Variants in RUSC2 observed in about 807,000 individuals in gnomAD.
RUSC2 encodes the protein RUN and SH3 domain containing 2.
RUSC2 carries 34 observed loss-of-function variants against 122.2 expected under a neutral mutation model. The ratio of observed to expected loss-of-function variants is 0.28; its 90% confidence interval spans 0.21 to 0.37. The LOEUF (loss-of-function observed/expected upper bound fraction) is 0.37, where lower values mean the gene tolerates loss of function less well. Ranked by LOEUF, RUSC2 falls within the 10% of genes least tolerant of loss-of-function variation. The pLI, the probability that RUSC2 is intolerant of heterozygous loss-of-function variation, is 1.00. For synonymous variants in RUSC2, 784 were observed against 790.0 expected, an observed-to-expected ratio of 0.99 and a Z score of 0.13; for missense variants, 1,747 against 1,952.4, an observed-to-expected ratio of 0.89 and a Z score of 1.98.
In RUSC2 at chr9:35,561,316, G is replaced by T. The variant is rs1483795057; in HGVS notation, c.4485G>T (p.Leu1495=). The T allele has an allele frequency of 6.2e-7, 1 of 1,614,144 alleles. No individual in the cohort carries two copies. The highest frequency in any genetic ancestry group is 1.7e-5 in the Admixed American group (1 of 60,018). ...LRCSRGPDSG[L]VPLAYVTLTP... ...GCAGCCGTGGCCCCGACTCTGGCCT[G>T]GTGCCCCTGGCCTACGTGACATTGA... Residue 1495 remains leucine (L), a synonymous_variant, in exon 12 of 12, where the codon CTG becomes CTT. Coordinates refer to ENST00000361226, the MANE Select transcript of RUSC2 (RefSeq NM_014806.5).
At chr9:35,514,597 A>T (rs1038249901) in intron 1 of RUSC2, among the ~76,000 whole-genome samples, 1 of 152,164 alleles carries the variant, frequency 6.6e-6, no homozygotes, top group Admixed American at 6.6e-5. Flanking sequence ...AGCAGTAGGG[A>T]TGGAGAATGT....
In RUSC2 at chr9:35,547,657, T is replaced by A. The variant is rs922433418; in HGVS notation, c.1136T>A (p.Leu379His). ...GAGCCGTGCCCAGCAGTGGCTGACC[T>A]CACAGCCTGCTTCCAAAGCCAGGCC... ...HCEPCPAVAD[L>H]TACFQSQARL... Residue 379 changes from leucine (L) to histidine (H), a missense_variant, in exon 2 of 12, where the codon CTC becomes CAC. Leu to His is a moderately conservative substitution (Grantham distance 99, BLOSUM62 -3). Coordinates refer to ENST00000361226, the MANE Select transcript of RUSC2 (RefSeq NM_014806.5). The surrounding 1 kb of genome is among the most constrained non-coding windows in gnomAD (Gnocchi z 4.6). The A allele has an allele frequency of 6.2e-7, 1 of 1,614,054 alleles. No individual in the cohort carries two copies. Among genetic ancestry groups the A allele is most frequent in the Non-Finnish European group, 8.5e-7 (1 of 1,180,038 alleles).
At chr9:35,551,134 AG>A (rs1821885222) in intron 2 of RUSC2, among the ~76,000 whole-genome samples, 1 of 152,174 alleles carries the variant, frequency 6.6e-6, no homozygotes, top group African/African-American at 2.4e-5. Context: ...GTTTAAAAAA[AG>A]TTTGAACCAA....
chr9:35,495,087 TTATA>T (rs1820666513), intron 1 of RUSC2, among the ~76,000 whole-genome samples: 1 of 87,070 alleles, frequency 1.1e-5, no homozygotes, highest in South Asian at 2.9e-4. Context: ...ATAGTATATA[TTATA>T]TATACTATAG....
At chr9:35,554,063 C>T (rs781750578) in intron 2 of RUSC2, among the ~76,000 whole-genome samples, 3 of 152,190 alleles carry the variant, frequency 2.0e-5, no homozygotes, top group Non-Finnish European at 2.9e-5. Context: ...AACTAATTCC[C>T]GCCTCGCAGA....
intron 1 of RUSC2, among the ~76,000 whole-genome samples, chr9:35,536,724 G>C (rs1333533489): frequency 7.2e-6 from 1 of 139,308 alleles, no homozygotes; most frequent in Non-Finnish European, 1.5e-5. Flanking sequence ...TGAGACAGGA[G>C]AATCACTTGA....
In RUSC2 at chr9:35,560,694, G is replaced by C; in HGVS notation, c.4054G>C (p.Val1352Leu). ...PFWMGSPPDS[V>L]LAELRRSRER... ...CTGGATGGGGAGCCCCCCTGACTCTGTGCTGGCCGAGCTGAGGCGCAGTCG... is the reference window on the plus strand; with the variant it reads ...CTGGATGGGGAGCCCCCCTGACTCTCTGCTGGCCGAGCTGAGGCGCAGTCG... Residue 1352 changes from valine to leucine, a missense_variant, in exon 10 of 12, where the codon GTG becomes CTG. Val to Leu is a conservative substitution (Grantham distance 32, BLOSUM62 1). Coordinates refer to ENST00000361226, the MANE Select transcript of RUSC2 (RefSeq NM_014806.5). 2 of 1,562,396 alleles carry C rather than the reference G, an allele frequency of 1.3e-6. No individual in the cohort carries two copies. The highest frequency in any genetic ancestry group is 1.7e-6 in the Non-Finnish European group (2 of 1,153,218).
chr9:35,538,355 T>C (rs1821571941), intron 1 of RUSC2, among the ~76,000 whole-genome samples: 1 of 152,158 alleles, frequency 6.6e-6, no homozygotes, highest in Non-Finnish European at 1.5e-5. Context: ...GGAAGGCCAG[T>C]GCTAAGACTC....
At chr9:35,544,786 T>C (rs1821713226) in intron 1 of RUSC2, among the ~76,000 whole-genome samples, 1 of 152,206 alleles carries the variant, frequency 6.6e-6, no homozygotes, top group Non-Finnish European at 1.5e-5. Context: ...TTTATGTTTT[T>C]TCTTTTGTCA....
intron 1 of RUSC2, among the ~76,000 whole-genome samples, chr9:35,529,290 G>T (rs879347262): frequency 6.6e-6 from 1 of 151,988 alleles, no homozygotes; most frequent in Admixed American, 6.6e-5. Context: ...CAGTGAAGCT[G>T]CCATGAGGAG....
chr9:35,495,711 T>A (rs1311813735), intron 1 of RUSC2, among the ~76,000 whole-genome samples: 1 of 152,148 alleles, frequency 6.6e-6, no homozygotes, highest in Admixed American at 6.5e-5. Flanking sequence ...CAAAAAACAT[T>A]GTTGGGATTT....
Position 35,555,005 on chromosome 9 carries a change from C to T in RUSC2, c.2015-55C>T. On this transcript the variant is annotated intron_variant, in intron 2 of 11. Transcript: ENST00000361226. The surrounding 1 kb of genome is among the most constrained non-coding windows in gnomAD (Gnocchi z 4.6). ...TCCCATCTCTGCTTCTGGGTTTTCT[C>T]TCATATGGGTTTCAGTGTCTGTCTA... The T allele has an allele frequency of 6.3e-7, 1 of 1,596,120 alleles. No homozygotes were observed. Among genetic ancestry groups the T allele is most frequent in the East Asian group, 2.2e-5 (1 of 44,858 alleles).
At position 35,558,105 on chromosome 9, in the gene RUSC2, G is replaced by C; in HGVS notation, c.3061-92G>C. On this transcript the variant is annotated intron_variant, in intron 6 of 11. Coordinates refer to ENST00000361226, the MANE Select transcript of RUSC2 (RefSeq NM_014806.5). This position sits in a 1 kb window ranked among gnomAD's most constrained non-coding sequence, Gnocchi z 4.3. ...GCCCAGGGTTGGGTACTTAGGAATGGGGACGGCAAGAGGGGAACCATGAGG... is the reference window on the plus strand; with the variant it reads ...GCCCAGGGTTGGGTACTTAGGAATGCGGACGGCAAGAGGGGAACCATGAGG... 6.3e-7 allele frequency: 1 copy of C among 1,586,758 alleles called. No individual in the cohort carries two copies. The highest frequency in any genetic ancestry group is 2.2e-5 in the East Asian group (1 of 44,650).
intron 2 of RUSC2, among the ~76,000 whole-genome samples, chr9:35,554,678 A>G (rs1821970074): frequency 6.6e-6 from 1 of 152,240 alleles, no homozygotes; most frequent in Non-Finnish European, 1.5e-5. Flanking sequence ...AAGCAGAATG[A>G]TCTGGAGATG....
intron 1 of RUSC2, among the ~76,000 whole-genome samples, chr9:35,504,910 C>T (rs1820883855): frequency 2.0e-5 from 3 of 152,024 alleles, no homozygotes; most frequent in Admixed American, 1.3e-4. Flanking sequence ...GGTTTGGGGG[C>T]GAATGGGGAT....
At position 35,561,587 on chromosome 9, in the gene RUSC2, G is replaced by A. The variant is rs904092353; in HGVS notation, c.*205G>A. ...ACCTTGTCCAGACCTCCACCCAGGAGAGGGATGGGACACAGCACTGGGCTG... is the reference window on the plus strand; with the variant it reads ...ACCTTGTCCAGACCTCCACCCAGGAAAGGGATGGGACACAGCACTGGGCTG... On this transcript the variant is annotated 3_prime_UTR_variant, in exon 12 of 12. Transcript: ENST00000361226. The A allele has an allele frequency of 8.4e-6, 5 of 596,632 alleles. No individual in the cohort carries two copies. In the African/African-American group the frequency reaches 9.3e-5, roughly 11 times the overall value. The allele number at this position is 596,632 out of a possible 1,614,324, so 37.0% of individuals were successfully genotyped here.
intron 1 of RUSC2, among the ~76,000 whole-genome samples, chr9:35,534,448 AC>A (rs1821483278): frequency 1.3e-5 from 2 of 150,658 alleles, no homozygotes; most frequent in Non-Finnish European, 2.9e-5. Context: ...ACACACACAC[AC>A]ACACACACAA....
intron 1 of RUSC2, among the ~76,000 whole-genome samples, chr9:35,519,141 C>T (rs181881086): frequency 9.5e-4 from 145 of 152,296 alleles, no homozygotes; most frequent in Admixed American, 2.5e-3. Context: ...ACTTGCTTCC[C>T]GTAGAATCCA....
chr9:35,559,642 C>T (rs995626749), intron 9 of RUSC2, among the ~76,000 whole-genome samples: 2 of 152,072 alleles, frequency 1.3e-5, no homozygotes, highest in South Asian at 4.1e-4. Flanking sequence ...GGCTGAGGCA[C>T]GAGAATTGCT....
Sources: gnomAD v4.1 joint callset for allele counts (sites outside exome capture counted in the v4.1 genomes callset) on GRCh38, gnomAD v4.1.1 for gene constraint, Gnocchi (gnomAD v3.1) non-coding constraint, MANE v1.5 for transcripts, NCBI Gene and HGNC (gene_info 2026-07-23, HGNC 2026-07-21) for gene names.